Variants in CACNA2D1 observed in about 807,000 individuals in gnomAD.
The protein encoded by CACNA2D1 is voltage-dependent calcium channel subunit alpha-2/delta-1.
A neutral mutation model predicts 171.5 loss-of-function variants in CACNA2D1; 53 were observed. That is an observed-to-expected ratio of 0.31 (90% confidence interval 0.25 to 0.39). The LOEUF (loss-of-function observed/expected upper bound fraction) is 0.39, where lower values mean the gene tolerates loss of function less well. Ranked by LOEUF, CACNA2D1 falls within the 10% of genes least tolerant of loss-of-function variation. CACNA2D1 has a pLI of 1.00. For synonymous variants in CACNA2D1, 442 were observed against 443.1 expected, an observed-to-expected ratio of 1.00 and a Z score of 0.03; for missense variants, 903 against 1,299.8, an observed-to-expected ratio of 0.69 and a Z score of 4.69.
rs149721959 is a variant in CACNA2D1, at chr7:81,984,817, G to A, written c.1797-106C>T. On this transcript the variant is annotated intron_variant, in intron 21 of 38. Transcript: ENST00000356860. ...GGGAAAATCGAAAGATCTTCCTCAT[G>A]GGAAGGAAAAGACATATTACTTTGA... 471 of 711,012 alleles carry A rather than the reference G, an allele frequency of 6.6e-4. 10 individuals are homozygous for A. In the East Asian group the frequency reaches 0.013, roughly 19 times the overall value. 44.0% of individuals were successfully genotyped at this position (711,012 alleles called of 1,614,324 possible).
At chr7:82,023,294 G>A (rs1294155637) in intron 12 of CACNA2D1, among the ~76,000 whole-genome samples, 1 of 151,840 alleles carries the variant, frequency 6.6e-6, no homozygotes, top group Non-Finnish European at 1.5e-5. Flanking sequence ...CATGGATCCT[G>A]TTTTAAAGCT....
At chr7:81,967,736 T>C in intron 29 of CACNA2D1, 73 bp from the exon 30 acceptor site, 3 of 733,058 alleles carry the variant, frequency 4.1e-6, no homozygotes, top group East Asian at 2.7e-5. Flanking sequence ...GACAGTTATT[T>C]TGATAGCAAG....
chr7:82,111,432 A>ATATGTGTG (rs1299709953), intron 6 of CACNA2D1, among the ~76,000 whole-genome samples: 14 of 80,536 alleles, frequency 1.7e-4, no homozygotes, highest in East Asian at 1.2e-3. Context: ...ATGTGTGTAT[A>ATATGTGTG]TATATATATA....
intron 1 of CACNA2D1, among the ~76,000 whole-genome samples, chr7:82,414,578 G>A (rs1422327389): frequency 1.3e-5 from 2 of 152,204 alleles, no homozygotes; most frequent in African/African-American, 4.8e-5. Context: ...AGCATGTATA[G>A]AGCATTCCAT....
chr7:82,419,657 T>C (rs1828532786), intron 1 of CACNA2D1, among the ~76,000 whole-genome samples: 2 of 152,224 alleles, frequency 1.3e-5, no homozygotes, highest in South Asian at 4.1e-4. Flanking sequence ...TTTACCTGTT[T>C]TAATAGCATA....
intron 11 of CACNA2D1, among the ~76,000 whole-genome samples, chr7:82,037,479 CAA>C (rs113083970): frequency 6.3e-5 from 9 of 143,558 alleles, no homozygotes; most frequent in South Asian, 2.2e-4. Flanking sequence ...AACTCCATTT[CAA>C]AAAAAAAAAA....
chr7:82,047,468 T>C (rs1200818507), intron 10 of CACNA2D1, among the ~76,000 whole-genome samples: 1 of 152,158 alleles, frequency 6.6e-6, no homozygotes, highest in Non-Finnish European at 1.5e-5. Flanking sequence ...AAGAATGGCA[T>C]ACATAACTAA....
intron 24 of CACNA2D1, among the ~76,000 whole-genome samples, chr7:81,978,223 A>G (rs182239989): frequency 1.3e-5 from 2 of 152,310 alleles, no homozygotes; most frequent in East Asian, 3.9e-4. Flanking sequence ...TTGACCCAGC[A>G]ATCCCATTAC....
intron 1 of CACNA2D1, among the ~76,000 whole-genome samples, chr7:82,406,574 T>C (rs1827072887): frequency 2.0e-5 from 3 of 152,314 alleles, no homozygotes; most frequent in Admixed American, 1.3e-4. Context: ...GACTTTTTAA[T>C]GATTGCCATT....
At chr7:82,047,738 A>G (rs1274593495) in intron 10 of CACNA2D1, among the ~76,000 whole-genome samples, 2 of 152,190 alleles carry the variant, frequency 1.3e-5, no homozygotes, top group African/African-American at 4.8e-5. Flanking sequence ...AGAAGCGTAC[A>G]TTCTTGGAGA....
At chr7:82,158,696 T>C (rs964153846) in intron 4 of CACNA2D1, among the ~76,000 whole-genome samples, 1 of 151,904 alleles carries the variant, frequency 6.6e-6, no homozygotes, top group Admixed American at 6.6e-5. Context: ...ATTTTATTGA[T>C]GAGGAAACTG....
At chr7:82,250,744 G>A (rs1464946208) in intron 3 of CACNA2D1, among the ~76,000 whole-genome samples, 3 of 151,892 alleles carry the variant, frequency 2.0e-5, no homozygotes, top group Non-Finnish European at 4.4e-5. Flanking sequence ...TTAAATAATG[G>A]CCCTTTTGTC....
At chr7:82,096,544 T>G (rs184433351) in intron 6 of CACNA2D1, among the ~76,000 whole-genome samples, 133 of 151,684 alleles carry the variant, frequency 8.8e-4, no homozygotes, top group African/African-American at 3.2e-3. Context: ...TAAAGACAAC[T>G]AGCCATGGAA....
chr7:82,010,084 A>G (rs1343920657), intron 15 of CACNA2D1, among the ~76,000 whole-genome samples: 1 of 152,072 alleles, frequency 6.6e-6, no homozygotes, highest in Non-Finnish European at 1.5e-5. Flanking sequence ...TTACACTAAT[A>G]TCAGCTAAAA....
intron 1 of CACNA2D1, among the ~76,000 whole-genome samples, chr7:82,377,537 T>TAC (rs1823153327): frequency 6.6e-6 from 1 of 152,216 alleles, no homozygotes; most frequent in African/African-American, 2.4e-5. Context: ...GGTCAAGGTA[T>TAC]ACTCCCTCAC....
intron 1 of CACNA2D1, among the ~76,000 whole-genome samples, chr7:82,382,352 T>C (rs1444389157): frequency 6.6e-6 from 1 of 152,248 alleles, no homozygotes; most frequent in Non-Finnish European, 1.5e-5. Flanking sequence ...GTGGGTTATT[T>C]TGACTGTAAA....
chr7:82,362,751 C>T (rs1355256084), intron 1 of CACNA2D1, among the ~76,000 whole-genome samples: 2 of 152,100 alleles, frequency 1.3e-5, no homozygotes, highest in African/African-American at 4.8e-5. Context: ...GATTATTTCT[C>T]CAATTACTGC....
At chr7:82,301,010 G>A in intron 3 of CACNA2D1, among the ~76,000 whole-genome samples, 1 of 152,304 alleles carries the variant, frequency 6.6e-6, no homozygotes, top group South Asian at 2.1e-4. Context: ...ACATCCAAAT[G>A]TAGACATTGC....
At chr7:82,085,913 C>A (rs1474208098) in intron 6 of CACNA2D1, among the ~76,000 whole-genome samples, 1 of 151,942 alleles carries the variant, frequency 6.6e-6, no homozygotes, top group Non-Finnish European at 1.5e-5. Flanking sequence ...TTATAACTGA[C>A]CCTTCATGAT....
Sources: allele counts gnomAD v4.1 joint callset (sites outside exome capture counted in the v4.1 genomes callset), GRCh38; gene constraint gnomAD v4.1.1; transcripts MANE v1.5; gene names NCBI Gene and HGNC (gene_info 2026-07-23, HGNC 2026-07-21).